KCNJ5: variants seen among roughly 807,000 people sequenced by gnomAD.
KCNJ5 encodes G protein-activated inward rectifier potassium channel 4.
A neutral mutation model predicts 20.2 loss-of-function variants in KCNJ5; 12 were observed. The observed-to-expected ratio is 0.59, with a 90% CI of 0.38 to 0.96. KCNJ5 has a LOEUF of 0.96. KCNJ5 is among the 40% of genes least tolerant of loss of function. The pLI, the probability that KCNJ5 is intolerant of heterozygous loss-of-function variation, is 0.00. For synonymous variants in KCNJ5, 210 were observed against 213.9 expected (o/e 0.98, Z 0.16); for missense variants, 449 against 557.6 (o/e 0.81, Z 1.96).
intron 1 of KCNJ5, chr11:128,904,431 C>T (rs757386934): frequency 1.2e-6 from 2 of 1,614,154 alleles, no homozygotes; most frequent in East Asian, 2.2e-5. Flanking sequence ...ATCTCATTAC[C>T]TGTTGGAGTC....
intron 1 of KCNJ5, among the ~76,000 whole-genome samples, chr11:128,897,132 C>CT (rs1944190708): frequency 8.1e-6 from 1 of 123,820 alleles, no homozygotes; most frequent in Admixed American, 9.6e-5. Context: ...GAGTCTTACT[C>CT]TGTCACTTAG....
At position 128,911,997 on chromosome 11, in the gene KCNJ5, C is replaced by T. The variant is rs576156828; in HGVS notation, c.724C>T (p.Arg242Trp). 3.8e-5 allele frequency: 61 copies of T among 1,608,026 alleles called. No individual in the cohort carries two copies. In the Middle Eastern group the frequency reaches 5.0e-4, roughly 13 times the overall value. The change falls in exon 2 of 3, where the codon CGG (arginine) becomes TGG (tryptophan). Residue 242 changes from arginine to tryptophan, a missense_variant. Transcript: ENST00000529694. The surrounding 1 kb of genome is among the most constrained non-coding windows in gnomAD (Gnocchi z 6.3). ...CATCCGGGCCAAGCTCATCAAGTCC[C>T]GGCAGACCAAAGAGGGGGAGTTCAT... ...ASIRAKLIKS[R>W]QTKEGEFIPL...
chr11:128,893,073 G>T (rs1746943554), intron 1 of KCNJ5, among the ~76,000 whole-genome samples: 1 of 152,174 alleles, frequency 6.6e-6, no homozygotes, highest in South Asian at 2.1e-4. Flanking sequence ...GCATCATCTG[G>T]CTGAATGAGG....
rs1347534732 is a variant in KCNJ5, at chr11:128,904,323, CCTCT to C, written c.-10-6935_-10-6932del. 159 of 1,415,646 alleles carry C rather than the reference CCTCT, an allele frequency of 1.1e-4. 1 individual carries two copies. Among genetic ancestry groups the C allele is most frequent in the South Asian group, 7.7e-4 (59 of 76,702 alleles). 87.7% of individuals were successfully genotyped at this position (1,415,646 alleles called of 1,614,324 possible). ...AGCCAAATTCAGGACTGCACCCTGG[CCTCT>C]CTCTCACTCTCTACTGCACTGATTT... is the stretch of plus-strand genomic sequence containing the variant. On this transcript the variant is annotated intron_variant, in intron 1 of 2. Transcript: ENST00000529694.
At chr11:128,900,887 G>C (rs1170859205) in intron 1 of KCNJ5, 3 of 152,166 alleles carry the variant, frequency 2.0e-5, no homozygotes, top group Non-Finnish European at 4.4e-5. Context: ...GGAATACCGG[G>C]ATTATTTCAG....
chr11:128,892,997 A>T (rs894104098), intron 1 of KCNJ5, among the ~76,000 whole-genome samples: 1 of 152,212 alleles, frequency 6.6e-6, no homozygotes, highest in African/African-American at 2.4e-5. Flanking sequence ...CACTAACAAA[A>T]GCTAATTCTG....
At chr11:128,913,933 C>A (rs1415910133) in intron 2 of KCNJ5, among the ~76,000 whole-genome samples, 1 of 152,242 alleles carries the variant, frequency 6.6e-6, no homozygotes, top group Non-Finnish European at 1.5e-5. Context: ...CAAGCCTTCC[C>A]ATTTTGAAGT....
intron 1 of KCNJ5, chr11:128,902,593 G>A: frequency 6.2e-7 from 1 of 1,612,844 alleles, no homozygotes; most frequent in South Asian, 1.1e-5. Flanking sequence ...GATGGGCACT[G>A]AGGGGGTAGC....
In KCNJ5 at chr11:128,911,760, G is replaced by A. The variant is rs1367149022; in HGVS notation, c.487G>A (p.Glu163Lys). 7 of 1,614,092 alleles carry A rather than the reference G, an allele frequency of 4.3e-6. No individual in the cohort carries two copies. The highest frequency in any genetic ancestry group is 2.7e-5 in the African/African-American group (2 of 74,926). The part of the protein sequence containing the change: ...GFRVITEKCP[E>K]GIILLLVQAI... ...CCGAGTCATCACAGAGAAGTGTCCAGAGGGGATTATACTCCTCTTGGTCCA... is the reference window on the plus strand; with the variant it reads ...CCGAGTCATCACAGAGAAGTGTCCAAAGGGGATTATACTCCTCTTGGTCCA... Residue 163 changes from glutamate to lysine, a missense_variant, in exon 2 of 3, where the codon GAG becomes AAG. By Grantham distance (56) the Glu-to-Lys change is moderately conservative. Around this residue, in one of 5 missense-constraint regions of KCNJ5, gnomAD observed 203 missense variants for 258.0 expected, o/e 0.79. Coordinates refer to ENST00000529694, the MANE Select transcript of KCNJ5 (RefSeq NM_000890.5). The surrounding 1 kb of genome is among the most constrained non-coding windows in gnomAD (Gnocchi z 6.3).
At chr11:128,908,558 G>A (rs1247201228) in intron 1 of KCNJ5, among the ~76,000 whole-genome samples, 1 of 152,166 alleles carries the variant, frequency 6.6e-6, no homozygotes, top group African/African-American at 2.4e-5. Flanking sequence ...TTCCTATCTG[G>A]GCTGAAGTCT....
intron 1 of KCNJ5, chr11:128,904,328 C>G: frequency 9.3e-6 from 14 of 1,499,968 alleles, no homozygotes; most frequent in Middle Eastern, 1.8e-4. Flanking sequence ...CCTGGCCTCT[C>G]TCTCACTCTC....
At chr11:128,895,385 C>T (rs76720533) in intron 1 of KCNJ5, among the ~76,000 whole-genome samples, 1 of 103,654 alleles carries the variant, frequency 9.6e-6, no homozygotes, top group African/African-American at 2.8e-5. Context: ...TGCCCCCACC[C>T]CCCCCCCAAC....
At chr11:128,916,332 T>TGATGGATGAAAGGATGAATGGATGGATA in intron 2 of KCNJ5, 77 bp from the exon 3 acceptor site, 1 of 1,084,722 alleles carries the variant, frequency 9.2e-7, no homozygotes, top group Non-Finnish European at 1.4e-6. Flanking sequence ...ATGGATGGAT[T>TGATGGATGAAAGGATGAATGGATGGATA]GATGGATGAA....
rs1205183270 is a variant in KCNJ5, at chr11:128,917,400, C to T, written c.*669C>T. 1 of 152,426 alleles carries T rather than the reference C, an allele frequency of 6.6e-6. No homozygotes were observed. Among genetic ancestry groups the T allele is most frequent in the East Asian group, 1.9e-4 (1 of 5,190 alleles). The allele number at this position is 152,426 out of a possible 1,614,324, so 9.4% of individuals were successfully genotyped here. Reference sequence around the variant, plus strand: ...GAGAATCGGTCTCATTAGAGTGACTCTTAGAAGGTGGCCTGGGACTAGACA... The same window carrying T: ...GAGAATCGGTCTCATTAGAGTGACTTTTAGAAGGTGGCCTGGGACTAGACA... On this transcript the variant is annotated 3_prime_UTR_variant, in exon 3 of 3. Coordinates refer to ENST00000529694, the MANE Select transcript of KCNJ5 (RefSeq NM_000890.5).
rs1233725389 is a variant in KCNJ5, at chr11:128,919,791, C to T, written c.*3060C>T. The T allele has an allele frequency of 2.6e-5, 4 of 152,358 alleles. No individual in the cohort carries two copies. Among genetic ancestry groups the T allele is most frequent in the Non-Finnish European group, 5.9e-5 (4 of 68,174 alleles). The allele number at this position is 152,358 out of a possible 1,614,324, so 9.4% of individuals were successfully genotyped here. ...TCAAGCGATTCTCATGCTTCAGCCT[C>T]CTGAGTAGCTGGGATTACAGGCATG... On this transcript the variant is annotated 3_prime_UTR_variant, in exon 3 of 3. Coordinates refer to ENST00000529694, the MANE Select transcript of KCNJ5 (RefSeq NM_000890.5).
At chr11:128,909,336 C>G (rs1944467196) in intron 1 of KCNJ5, among the ~76,000 whole-genome samples, 2 of 152,210 alleles carry the variant, frequency 1.3e-5, no homozygotes, top group African/African-American at 4.8e-5. Flanking sequence ...AGAATGGTGG[C>G]AGGGGAATTC....
In KCNJ5 at chr11:128,911,188, TG is replaced by T; in HGVS notation, c.-10-71del. The T allele has an allele frequency of 1.7e-6, 2 of 1,179,180 alleles. No homozygotes were observed. Among genetic ancestry groups the T allele is most frequent in the Non-Finnish European group, 1.3e-6 (1 of 796,234 alleles). 73.0% of individuals were successfully genotyped at this position (1,179,180 alleles called of 1,614,324 possible). ...AGAGAAGCCTGGGAGAGCCCCGGGG[TG>T]GGGGTGGCCTTCCATCTTGTGTTCT... is the stretch of plus-strand genomic sequence containing the variant. On this transcript the variant is annotated intron_variant, in intron 1 of 2. Transcript: ENST00000529694. This position sits in a 1 kb window ranked among gnomAD's most constrained non-coding sequence, Gnocchi z 6.3.
At position 128,921,011 on chromosome 11, in the gene KCNJ5, C is replaced by T. The variant is rs998425841; in HGVS notation, c.*4280C>T. 6.6e-6 allele frequency: 1 copy of T among 152,256 alleles called. No homozygotes were observed. The highest frequency in any genetic ancestry group is 1.5e-5 in the Non-Finnish European group (1 of 68,054). 9.4% of individuals were successfully genotyped at this position (152,256 alleles called of 1,614,324 possible). On this transcript the variant is annotated 3_prime_UTR_variant, in exon 3 of 3. Transcript: ENST00000529694. ...ATTGCTTTCGGGGAGAAGCCACTTA[C>T]TCGGCTCGCCTTGGTTTTTGCTAAC...
At chr11:128,904,292 C>T (rs1253689938) in intron 1 of KCNJ5, 1 of 1,318,964 alleles carries the variant, frequency 7.6e-7, no homozygotes, top group Non-Finnish European at 1.0e-6. Flanking sequence ...TCGCCCACCC[C>T]AGACAAGCCA....
Sources: allele counts gnomAD v4.1 joint callset (sites outside exome capture counted in the v4.1 genomes callset), GRCh38; gene constraint gnomAD v4.1.1; regional missense constraint gnomAD v4.1.1; non-coding constraint Gnocchi (gnomAD v3.1); transcripts MANE v1.5; gene names NCBI Gene and HGNC (gene_info 2026-07-23, HGNC 2026-07-21).